The following LTN1 variants were observed in gnomAD, a reference collection of about 807,000 sequenced individuals.
The protein encoded by LTN1 is listerin E3 ubiquitin protein ligase 1, also known as E3 ubiquitin-protein ligase listerin.
In LTN1, 88 loss-of-function variants were observed where a neutral mutation model predicts 201.2. The ratio of observed to expected loss-of-function variants is 0.44; its 90% CI spans 0.37 to 0.52. The LOEUF (loss-of-function observed/expected upper bound fraction) is 0.52. LTN1 is among the 20% of genes least tolerant of loss of function. The pLI is 0.00. For synonymous variants in LTN1, 645 were observed against 713.5 expected, an observed-to-expected ratio of 0.90 and a Z score of 1.53; for missense variants, 1,752 against 2,038.7, an observed-to-expected ratio of 0.86 and a Z score of 2.71.
intron 16 of LTN1, among the ~76,000 whole-genome samples, chr21:28,955,219 G>A (rs752088982): frequency 6.6e-6 from 1 of 152,100 alleles, no homozygotes. Flanking sequence ...TGTAATCGCA[G>A]CACTTTGGGA....
intron 6 of LTN1, among the ~76,000 whole-genome samples, chr21:28,972,520 G>A (rs2084583545): frequency 6.6e-6 from 1 of 152,170 alleles, no homozygotes; most frequent in Non-Finnish European, 1.5e-5. Context: ...AAGGCTGACT[G>A]TATTTTGTTA....
intron 9 of LTN1, chr21:28,967,641 T>C (rs2084537877): frequency 1.3e-5 from 2 of 152,878 alleles, no homozygotes; most frequent in African/African-American, 4.8e-5. Context: ...TAATATCATT[T>C]ATAATAAACT....
At chr21:28,948,276 T>TA (rs2084356868) in intron 18 of LTN1, among the ~76,000 whole-genome samples, 1 of 148,472 alleles carries the variant, frequency 6.7e-6, no homozygotes, top group Admixed American at 6.7e-5. Context: ...CTTTCTTTTT[T>TA]TTTTTTTTTT....
chr21:28,970,926 T>C (rs1045693033), intron 7 of LTN1, among the ~76,000 whole-genome samples, 184 bp from the exon 8 acceptor site: 1 of 152,212 alleles, frequency 6.6e-6, no homozygotes, highest in African/African-American at 2.4e-5. Flanking sequence ...AATGATCATA[T>C]ATTCGACATG....
At chr21:28,974,042 A>G (rs1225236958) in intron 6 of LTN1, among the ~76,000 whole-genome samples, 1 of 152,188 alleles carries the variant, frequency 6.6e-6, no homozygotes, top group Non-Finnish European at 1.5e-5. Context: ...TAAAACTTCT[A>G]AAATAAAATA....
rs560079266 is a variant in LTN1 at position 28,974,340 on chromosome 21, C to A, written c.811-2896G>T. Among the ~76,000 whole-genome samples, 16 of 152,222 alleles carry A rather than the reference C, an allele frequency of 1.1e-4. No homozygotes were observed. In the South Asian group the frequency reaches 2.1e-3, roughly 20 times the overall value. On this transcript the variant is annotated intron_variant, in intron 6 of 29. Coordinates refer to ENST00000361371, the MANE Select transcript of LTN1 (RefSeq NM_015565.3). ...TTGCAACTCAAAAATAACCAAACTG[C>A]AATTTTAAAATGGACCAAAAAATAT...
In LTN1 at chr21:28,957,478, T is replaced by C; in HGVS notation, c.2748-2A>G. 5 of 1,549,590 alleles carry C rather than the reference T, an allele frequency of 3.2e-6. No individual in the cohort carries two copies. The highest frequency in any genetic ancestry group is 4.3e-6 in the Non-Finnish European group (5 of 1,151,460). On this transcript the variant is annotated splice_acceptor_variant, in intron 14 of 29. Transcript: ENST00000361371. LOFTEE classifies it high-confidence loss of function. ...ACAGCAGACAAGAGGACTTGGAGAC[T>C]AAAAATAATGCAGAGAACTTAACTG...
chr21:28,988,637 G>C (rs1009004732), intron 1 of LTN1, among the ~76,000 whole-genome samples: 2 of 151,746 alleles, frequency 1.3e-5, no homozygotes, highest in Non-Finnish European at 2.9e-5. Flanking sequence ...TTCCAAAAAA[G>C]GTTCTCTATT....
rs1016574689 is a variant in LTN1, at chr21:28,959,442, A to G, written c.2593+16T>C. On this transcript the variant is annotated intron_variant, in intron 13 of 29. Transcript: ENST00000361371. ...CCGGAGATTCCCAACAAAACATTTG[A>G]GCAGTAGGCTATTACCTGGCAAATG... 50 of 1,607,428 alleles carry G rather than the reference A, an allele frequency of 3.1e-5. No homozygotes were observed. Among genetic ancestry groups the G allele is most frequent in the Non-Finnish European group, 4.1e-5 (48 of 1,175,972 alleles).
rs753323872 is a variant in LTN1, at chr21:28,967,164, C to T, written c.1327G>A (p.Asp443Asn). ...LVNDQLIPFI[D>N]AVLKDPGLQH... ...AATCCTGGGTCTTTGAGAACTGCAT[C>T]AATAAAAGGGATCAACTGAAAGAAA... The change falls in exon 10 of 30, where the codon GAT (aspartate) becomes AAT (asparagine). Residue 443 changes from aspartate (D) to asparagine (N), a missense_variant. Physicochemically the swap from Asp to Asn is conservative, Grantham distance 23. This residue lies in a region of LTN1 where 1,211 missense variants were observed against 1,312.8 expected (regional missense o/e 0.92). Transcript: ENST00000361371. The T allele has an allele frequency of 1.9e-6, 3 of 1,606,986 alleles. No homozygotes were observed. Among genetic ancestry groups the T allele is most frequent in the Non-Finnish European group, 2.5e-6 (3 of 1,177,508 alleles).
At chr21:28,936,249 T>C (rs893036685) in intron 26 of LTN1, among the ~76,000 whole-genome samples, 12 of 152,232 alleles carry the variant, frequency 7.9e-5, no homozygotes, top group African/African-American at 2.9e-4. Context: ...TTTATATGCC[T>C]ATAAAATGTT....
At chr21:28,968,727 C>A (rs1285010638) in intron 9 of LTN1, among the ~76,000 whole-genome samples, 1 of 151,882 alleles carries the variant, frequency 6.6e-6, no homozygotes, top group Non-Finnish European at 1.5e-5. Context: ...AATTCTCCAG[C>A]CTCCTGAGTA....
At chr21:28,948,191 CAAA>C (rs531979859) in intron 18 of LTN1, among the ~76,000 whole-genome samples, 17 of 73,144 alleles carry the variant, frequency 2.3e-4, no homozygotes, top group African/African-American at 8.1e-4. Context: ...AACTCTGTTT[CAAA>C]AAAAAAAAAA....
chr21:28,986,929 T>C lies in LTN1; in HGVS notation c.48A>G (p.Ser16=), dbSNP rs2084702946. The change falls in exon 2 of 30, where the codon TCA becomes TCG. Residue 16 remains serine (S), a synonymous_variant. Transcript: ENST00000361371. This position sits in a 1 kb window ranked among gnomAD's most constrained non-coding sequence, Gnocchi z 4.1. ...KQRTKGNLRP[S]NSGRAAELLA... ...GGAGTTCTGCAGCTCGGCCACTGTT[T>C]GAAGGCTGATAAGAAAATTACGGAG... The C allele has an allele frequency of 6.2e-7, 1 of 1,612,860 alleles. No homozygotes were observed. Among genetic ancestry groups the C allele is most frequent in the African/African-American group, 1.3e-5 (1 of 75,040 alleles).
At chr21:28,967,497 A>G (rs1205150063) in intron 9 of LTN1, 1 of 211,378 alleles carries the variant, frequency 4.7e-6, no homozygotes, top group Non-Finnish European at 9.4e-6. Context: ...AACGCAAGAA[A>G]GACAGCATTC....
chr21:28,961,269 A>C (rs1263354776), intron 11 of LTN1: 1 of 152,422 alleles, frequency 6.6e-6, no homozygotes, highest in Non-Finnish European at 1.5e-5. Context: ...TTGTTCATTA[A>C]TTTTGCTAAA....
intron 19 of LTN1, 81 bp from the exon 20 acceptor site, chr21:28,946,368 T>A (rs998518687): frequency 1.1e-6 from 1 of 888,238 alleles, no homozygotes; most frequent in Non-Finnish European, 1.6e-6. Context: ...CTTTGAGAAG[T>A]AAAAGACTTT....
chr21:28,958,178 G>A (rs2084442170), intron 14 of LTN1, among the ~76,000 whole-genome samples: 2 of 152,014 alleles, frequency 1.3e-5, no homozygotes, highest in Non-Finnish European at 2.9e-5. Flanking sequence ...TTTTTTAAGA[G>A]ATGGCATCTC....
rs2084199937 is a variant in LTN1 at position 28,930,164 on chromosome 21, A to AT, written c.*283dup. The AT allele has an allele frequency of 7.7e-6, 2 of 258,350 alleles. No homozygotes were observed. The highest frequency in any genetic ancestry group is 1.4e-5 in the Non-Finnish European group (2 of 138,590). 16.0% of individuals were successfully genotyped at this position (258,350 alleles called of 1,614,324 possible). A position where few individuals can be genotyped will look rare whatever the true frequency, so the allele number is the denominator to read the frequency against. The stretch of plus-strand genomic sequence containing the variant: ...CAATTCTGTAATTTAGGGGTTTTTC[A>AT]TATTTATTTTTAAATATACAAAGAA... On this transcript the variant is annotated 3_prime_UTR_variant, in exon 30 of 30. Coordinates refer to ENST00000361371, the MANE Select transcript of LTN1 (RefSeq NM_015565.3).
Sources: allele counts gnomAD v4.1 joint callset (sites outside exome capture counted in the v4.1 genomes callset), GRCh38; gene constraint gnomAD v4.1.1; regional missense constraint gnomAD v4.1.1; non-coding constraint Gnocchi (gnomAD v3.1); transcripts MANE v1.5; gene names NCBI Gene and HGNC (gene_info 2026-07-23, HGNC 2026-07-21).